Variants in SELENOF observed in about 807,000 individuals in gnomAD.
SELENOF encodes the protein selenoprotein F.
A neutral mutation model predicts 20.5 loss-of-function variants in SELENOF; 16 were observed. That is an observed-to-expected ratio of 0.78 (90% CI 0.53 to 1.19). The LOEUF is 1.19. Ranked by LOEUF, SELENOF falls within the 50% of genes most tolerant of loss-of-function variation. The probability of loss-of-function intolerance (pLI) is 0.00; values close to 1 mark genes in which losing one functional copy is unlikely to be tolerated. For synonymous variants in SELENOF, 78 were observed against 74.5 expected, an observed-to-expected ratio of 1.05 and a Z score of -0.24; for missense variants, 215 against 194.2, an observed-to-expected ratio of 1.11 and a Z score of -0.64.
chr1:86,887,182 A>C (rs956636920), intron 2 of SELENOF: 4 of 1,543,280 alleles, frequency 2.6e-6, no homozygotes, highest in African/African-American at 1.4e-5. Flanking sequence ...CTTGCTTAGA[A>C]ACAATGGATG....
chr1:86,868,934 ATAAT>A (rs1237588832), intron 3 of SELENOF, among the ~76,000 whole-genome samples: 2 of 152,222 alleles, frequency 1.3e-5, no homozygotes, highest in African/African-American at 2.4e-5. Context: ...GCTCTTACAA[ATAAT>A]TAAGAAAAAA....
At position 86,862,886 on chromosome 1, in the gene SELENOF, G is replaced by A. The variant is rs888381483; in HGVS notation, c.*588C>T. 6.6e-6 allele frequency: 1 copy of A among 152,590 alleles called. No homozygotes were observed. Among genetic ancestry groups the A allele is most frequent in the Non-Finnish European group, 1.5e-5 (1 of 68,032 alleles). 9.5% of individuals were successfully genotyped at this position (152,590 alleles called of 1,614,324 possible). ...AGTCTTCATTAACGCAAATCTTTGT[G>A]AATGTTTCACTCTTACTGTAGGATC... is the stretch of plus-strand genomic sequence containing the variant. On this transcript the variant is annotated 3_prime_UTR_variant, in exon 5 of 5. Transcript: ENST00000331835.
chr1:86,882,227 AG>A, intron 2 of SELENOF, among the ~76,000 whole-genome samples: 1 of 135,716 alleles, frequency 7.4e-6, no homozygotes, highest in South Asian at 2.5e-4. Flanking sequence ...CCAGCCTGGC[AG>A]CAGAGCAAGA....
chr1:86,898,964 A>C (rs1401682699), intron 2 of SELENOF, among the ~76,000 whole-genome samples: 1 of 151,698 alleles, frequency 6.6e-6, no homozygotes, highest in Admixed American at 6.6e-5. Flanking sequence ...TGGGTACTTG[A>C]GATTAGGGAG....
intron 3 of SELENOF, among the ~76,000 whole-genome samples, chr1:86,872,066 T>C (rs953153772): frequency 2.6e-5 from 4 of 152,246 alleles, no homozygotes; most frequent in Non-Finnish European, 5.9e-5. Flanking sequence ...TTCAGTGAAC[T>C]CTGTTTATTT....
intron 2 of SELENOF, among the ~76,000 whole-genome samples, chr1:86,889,054 A>G (rs939551324): frequency 6.6e-6 from 1 of 152,210 alleles, no homozygotes; most frequent in South Asian, 2.1e-4. Flanking sequence ...ATACATTTGA[A>G]CTTTAAAAAG....
intron 1 of SELENOF, among the ~76,000 whole-genome samples, chr1:86,913,448 GA>G (rs558901864): frequency 1.1e-3 from 172 of 152,288 alleles, no homozygotes; most frequent in Middle Eastern, 3.4e-3. Context: ...CTTCAAAAAT[GA>G]ATTATACTTT....
chr1:86,912,038 C>T (rs1449470924), intron 1 of SELENOF, among the ~76,000 whole-genome samples: 1 of 152,142 alleles, frequency 6.6e-6, no homozygotes, highest in Non-Finnish European at 1.5e-5. Context: ...TCCCAAAGTG[C>T]ACTGGAATGA....
chr1:86,871,761 G>A (rs1658775388), intron 3 of SELENOF, among the ~76,000 whole-genome samples: 1 of 152,090 alleles, frequency 6.6e-6, no homozygotes, highest in Non-Finnish European at 1.5e-5. Context: ...GCAAAATAAC[G>A]ATGGTGAATT....
intron 3 of SELENOF, among the ~76,000 whole-genome samples, chr1:86,870,641 G>T (rs1658737821): frequency 2.0e-5 from 3 of 150,282 alleles, no homozygotes; most frequent in Admixed American, 2.0e-4. Context: ...TTTTTGAGAC[G>T]GAGTCTTGCT....
chr1:86,878,132 A>G (rs1658971669), intron 3 of SELENOF, among the ~76,000 whole-genome samples: 1 of 152,230 alleles, frequency 6.6e-6, no homozygotes, highest in Admixed American at 6.5e-5. Context: ...AAGGTATTTT[A>G]GAAGGCATAT....
chr1:86,899,083 G>A (rs1003125737), intron 2 of SELENOF, among the ~76,000 whole-genome samples: 3 of 151,798 alleles, frequency 2.0e-5, no homozygotes, highest in African/African-American at 7.3e-5. Context: ...ACATGTTTCA[G>A]AGAGCACAAG....
chr1:86,891,295 T>G (rs1659378704), intron 2 of SELENOF, among the ~76,000 whole-genome samples: 1 of 152,158 alleles, frequency 6.6e-6, no homozygotes, highest in Non-Finnish European at 1.5e-5. Flanking sequence ...GTGATCTGCC[T>G]ACCTCAGCCT....
intron 3 of SELENOF, among the ~76,000 whole-genome samples, chr1:86,873,012 A>C (rs2740770): frequency 6.6e-6 from 1 of 151,576 alleles, no homozygotes; most frequent in Non-Finnish European, 1.5e-5. Context: ...GCGCCACTGC[A>C]CTCCAGCCTG....
intron 3 of SELENOF, among the ~76,000 whole-genome samples, chr1:86,869,924 G>A (rs1658715389): frequency 6.6e-6 from 1 of 151,926 alleles, no homozygotes; most frequent in Non-Finnish European, 1.5e-5. Flanking sequence ...ACAGACACGT[G>A]CCACCACACC....
Position 86,913,093 on chromosome 1 carries a change from G to A in SELENOF, c.84+935C>T, listed in dbSNP as rs115997295. Among the ~76,000 whole-genome samples, 222 of 152,312 alleles carry A rather than the reference G, an allele frequency of 1.5e-3. 1 individual carries two copies. The highest frequency in any genetic ancestry group is 5.1e-3 in the African/African-American group (210 of 41,568). The stretch of plus-strand genomic sequence containing the variant: ...CTACCTTTTGGTTAAAGTAGCCAAA[G>A]CAAACAGCCAGGATGCTTTCAAGCT... On this transcript the variant is annotated intron_variant, in intron 1 of 4. Transcript: ENST00000331835.
intron 2 of SELENOF, among the ~76,000 whole-genome samples, chr1:86,896,374 C>T (rs1362263186): frequency 6.6e-6 from 1 of 152,076 alleles, no homozygotes; most frequent in Non-Finnish European, 1.5e-5. Flanking sequence ...AAGCATCCAG[C>T]AGCCATAAGC....
At chr1:86,898,920 A>T (rs1488263541) in intron 2 of SELENOF, among the ~76,000 whole-genome samples, 1 of 151,780 alleles carries the variant, frequency 6.6e-6, no homozygotes, top group Non-Finnish European at 1.5e-5. Context: ...TCCTAGGCAG[A>T]GGACCCTGAG....
At chr1:86,914,232 G>A (rs1033575636), upstream of SELENOF, 3 of 836,430 alleles carry the variant, frequency 3.6e-6, no homozygotes, top group African/African-American at 1.7e-5. Context: ...GAAGTGACAG[G>A]TATTAAATAA....
Sources: allele counts gnomAD v4.1 joint callset (sites outside exome capture counted in the v4.1 genomes callset), GRCh38; gene constraint gnomAD v4.1.1; transcripts MANE v1.5; gene names NCBI Gene and HGNC (gene_info 2026-07-23, HGNC 2026-07-21).